RFX7: variants seen among roughly 807,000 people sequenced by gnomAD.
RFX7 encodes the protein regulatory factor X7.
A neutral mutation model predicts 111.8 loss-of-function variants in RFX7; 26 were observed. The ratio of observed to expected loss-of-function variants is 0.23; its 90% CI spans 0.17 to 0.32. The LOEUF (loss-of-function observed/expected upper bound fraction) is 0.32. RFX7 is among the 10% of genes least tolerant of loss of function. The pLI is 1.00. For synonymous variants in RFX7, 624 were observed against 624.4 expected, an observed-to-expected ratio of 1.00 and a Z score of 0.01; for missense variants, 1,573 against 1,772.9, an observed-to-expected ratio of 0.89 and a Z score of 2.02.
At chr15:56,117,583 C>A (rs1304908122) in intron 5 of RFX7, among the ~76,000 whole-genome samples, 1 of 152,018 alleles carries the variant, frequency 6.6e-6, no homozygotes, top group Non-Finnish European at 1.5e-5. Context: ...TTTATTCCTC[C>A]TATCTAGTTC....
At chr15:56,196,827 G>A (rs1373009521) in intron 2 of RFX7, among the ~76,000 whole-genome samples, 3 of 152,114 alleles carry the variant, frequency 2.0e-5, no homozygotes, top group Non-Finnish European at 4.4e-5. Context: ...GGTATTTCCA[G>A]CTCTGTACTG....
At chr15:56,183,038 G>A (rs1401122251) in intron 2 of RFX7, among the ~76,000 whole-genome samples, 3 of 151,800 alleles carry the variant, frequency 2.0e-5, no homozygotes, top group African/African-American at 4.8e-5. Flanking sequence ...ATACTAAAAA[G>A]TTACTATTCC....
intron 2 of RFX7, among the ~76,000 whole-genome samples, chr15:56,226,064 G>A (rs1454848966): frequency 6.6e-6 from 1 of 151,928 alleles, no homozygotes; most frequent in Non-Finnish European, 1.5e-5. Context: ...AGGGGATGGA[G>A]AAAAATTCAA....
intron 3 of RFX7, 91 bp from the exon 4 acceptor site, chr15:56,144,574 T>C (rs781564296): frequency 2.9e-5 from 14 of 483,226 alleles, no homozygotes; most frequent in Admixed American, 7.8e-5. Flanking sequence ...TAAACGATAA[T>C]GACTATTTAA....
intron 5 of RFX7, among the ~76,000 whole-genome samples, chr15:56,108,944 A>G (rs1230803380): frequency 6.6e-6 from 1 of 152,206 alleles, no homozygotes; most frequent in Non-Finnish European, 1.5e-5. Context: ...CCCAATCACA[A>G]CTGCTACAGA....
rs1479888462 is a variant in RFX7 at position 56,089,817 on chromosome 15, C to T, written c.*3528G>A. ...CTCCCTTCCTAATCTCCACTCCTTT[C>T]CTTTTGTAATTGCTTCTACCACCTG... On this transcript the variant is annotated 3_prime_UTR_variant, in exon 10 of 10. Transcript: ENST00000559447. The T allele has an allele frequency of 3.3e-5, 5 of 152,142 alleles. No individual in the cohort carries two copies. The highest frequency in any genetic ancestry group is 1.2e-4 in the African/African-American group (5 of 41,408). The allele number at this position is 152,142 out of a possible 1,614,324, so 9.4% of individuals were successfully genotyped here. A position where few individuals can be genotyped will look rare whatever the true frequency, so the allele number is the denominator to read the frequency against.
chr15:56,180,908 C>T lies in RFX7; in HGVS notation c.162-1605G>A, dbSNP rs533827217. Among the ~76,000 whole-genome samples, 10 of 152,236 alleles carry T rather than the reference C, an allele frequency of 6.6e-5. No individual in the cohort carries two copies. The South Asian group carries it at 2.1e-3, about 32-fold the overall frequency. ...CTCCAGCCTGGGCAACAGAGCAAGA[C>T]TCCGTCTCCAAAAAAAATAAAACAA... On this transcript the variant is annotated intron_variant, in intron 2 of 9. Transcript: ENST00000559447.
At chr15:56,231,131 A>C (rs2043551578) in intron 2 of RFX7, among the ~76,000 whole-genome samples, 1 of 152,246 alleles carries the variant, frequency 6.6e-6, no homozygotes, top group African/African-American at 2.4e-5. Flanking sequence ...ATGCTGGTGA[A>C]TAGCAAGAAG....
intron 3 of RFX7, among the ~76,000 whole-genome samples, chr15:56,150,203 T>TA: frequency 6.6e-6 from 1 of 152,184 alleles, no homozygotes; most frequent in Non-Finnish European, 1.5e-5. Context: ...GGCATCTCTG[T>TA]AAAACAGGCA....
chr15:56,217,568 T>G (rs1286817839), intron 2 of RFX7, among the ~76,000 whole-genome samples: 1 of 152,158 alleles, frequency 6.6e-6, no homozygotes, highest in Non-Finnish European at 1.5e-5. Flanking sequence ...CTTTATAGAC[T>G]TTATATAGAC....
intron 3 of RFX7, among the ~76,000 whole-genome samples, chr15:56,175,812 T>C (rs2042897254): frequency 6.6e-6 from 1 of 152,098 alleles, no homozygotes; most frequent in African/African-American, 2.4e-5. Context: ...GATTGAGATA[T>C]CTGGAAAAGG....
intron 2 of RFX7, among the ~76,000 whole-genome samples, chr15:56,218,824 G>C (rs1310297648): frequency 6.6e-6 from 1 of 152,108 alleles, no homozygotes; most frequent in Non-Finnish European, 1.5e-5. Context: ...ATGAAACCAG[G>C]ACTGAAATCC....
intron 2 of RFX7, among the ~76,000 whole-genome samples, chr15:56,206,158 C>A (rs1375514145): frequency 6.6e-6 from 1 of 151,380 alleles, no homozygotes. Flanking sequence ...GCACTATTCA[C>A]AATAACCAAA....
chr15:56,202,282 A>G (rs1180740296), intron 2 of RFX7, among the ~76,000 whole-genome samples: 1 of 152,236 alleles, frequency 6.6e-6, no homozygotes, highest in Non-Finnish European at 1.5e-5. Context: ...ATTTAGTAAA[A>G]TATTTTAGTG....
intron 2 of RFX7, among the ~76,000 whole-genome samples, chr15:56,237,784 A>G (rs1457716940): frequency 1.3e-5 from 2 of 152,222 alleles, no homozygotes; most frequent in African/African-American, 4.8e-5. Context: ...AACTTTTGTC[A>G]ATAGGGAAGA....
chr15:56,180,311 A>G (rs2042955446), intron 2 of RFX7, among the ~76,000 whole-genome samples: 1 of 152,230 alleles, frequency 6.6e-6, no homozygotes, highest in Admixed American at 6.5e-5. Context: ...ACAATAAAAT[A>G]TGACTGGATT....
intron 3 of RFX7, among the ~76,000 whole-genome samples, chr15:56,171,554 G>A (rs78153795): frequency 0.075 from 10,036 of 133,742 alleles, 448 homozygotes; most frequent in Admixed American, 0.12. Context: ...TCTTCCCTAG[G>A]GTCTCCAGAA....
At chr15:56,122,562 T>G (rs1419385800) in intron 5 of RFX7, among the ~76,000 whole-genome samples, 3 of 152,222 alleles carry the variant, frequency 2.0e-5, no homozygotes, top group Non-Finnish European at 4.4e-5. Context: ...ACTCAAGCCC[T>G]AGGGCTCTAC....
At chr15:56,198,364 T>A (rs1234802816) in intron 2 of RFX7, among the ~76,000 whole-genome samples, 1 of 152,150 alleles carries the variant, frequency 6.6e-6, no homozygotes, top group Non-Finnish European at 1.5e-5. Context: ...TAGAGCAACG[T>A]ATGTCTAGTT....
Sources: allele counts gnomAD v4.1 joint callset (sites outside exome capture counted in the v4.1 genomes callset), GRCh38; gene constraint gnomAD v4.1.1; transcripts MANE v1.5; gene names NCBI Gene and HGNC (gene_info 2026-07-23, HGNC 2026-07-21).